SPAG9: variants seen among roughly 807,000 people sequenced by gnomAD.
SPAG9 encodes the protein sperm associated antigen 9.
Under a neutral mutation model 166.5 loss-of-function variants are expected in SPAG9, and 35 were observed. The ratio of observed to expected loss-of-function variants is 0.21; its 90% CI spans 0.16 to 0.28. The LOEUF is 0.28. Ranked by LOEUF, SPAG9 falls within the 10% of genes least tolerant of loss-of-function variation. The pLI is 1.00. For missense variants in SPAG9, 1,235 were observed against 1,603.3 expected (o/e 0.77, Z 3.92); for synonymous variants, 534 against 565.5 (o/e 0.94, Z 0.79).
rs557092109 is a variant in SPAG9 at position 51,075,039 on chromosome 17, T to C, written c.424+4545A>G. The stretch of plus-strand genomic sequence containing the variant: ...TAGTGAAACCCCATCTCTACAAATA[T>C]ACAAAAATTAGCCAGGCATAATGAC... On this transcript the variant is annotated intron_variant, in intron 2 of 29. Coordinates refer to ENST00000262013, the MANE Select transcript of SPAG9 (RefSeq NM_001130528.3). Among the ~76,000 whole-genome samples, 21 of 150,484 alleles carry C rather than the reference T, an allele frequency of 1.4e-4. No individual in the cohort carries two copies. The South Asian group carries it at 2.1e-3, about 15-fold the overall frequency.
intron 9 of SPAG9, among the ~76,000 whole-genome samples, chr17:51,013,912 AC>A (rs2045592777): frequency 2.1e-5 from 3 of 143,908 alleles, no homozygotes; most frequent in Admixed American, 1.3e-4. Context: ...ACACACACAC[AC>A]ACACATACAC....
At chr17:51,095,731 TATATACATATAGTGATATATATATAGTG>T (rs2048596596) in intron 1 of SPAG9, among the ~76,000 whole-genome samples, 1 of 147,874 alleles carries the variant, frequency 6.8e-6, no homozygotes, top group African/African-American at 2.5e-5. Flanking sequence ...CATATAGTGA[TATATACATATAGTGATATATATATAGTG>T]ATATACATAT....
chr17:51,034,963 C>G (rs1270365596), intron 5 of SPAG9, among the ~76,000 whole-genome samples: 1 of 152,162 alleles, frequency 6.6e-6, no homozygotes, highest in African/African-American at 2.4e-5. Flanking sequence ...AAAGACAAGA[C>G]AAGACTGAGG....
intron 1 of SPAG9, among the ~76,000 whole-genome samples, chr17:51,098,737 C>T (rs958782481): frequency 3.3e-5 from 5 of 151,886 alleles, no homozygotes. Context: ...GGTGATCCGC[C>T]CCCCTCGGCC....
chr17:51,073,188 C>T (rs545997111), intron 2 of SPAG9, among the ~76,000 whole-genome samples: 2 of 151,928 alleles, frequency 1.3e-5, no homozygotes, highest in African/African-American at 4.8e-5. Context: ...ATTTTCCGGG[C>T]GTGGTGGTGG....
rs187602406 is a variant in SPAG9, at chr17:50,986,234, G to T, written c.2940-456C>A. Reference sequence around the variant, plus strand: ...TTTTTACATTTTTAAAAGTGTGTGTGGGGGGGAAATCAAGGGTATTTTACG... The same window carrying T: ...TTTTTACATTTTTAAAAGTGTGTGTTGGGGGGAAATCAAGGGTATTTTACG... On this transcript the variant is annotated intron_variant, in intron 22 of 29. Coordinates refer to ENST00000262013, the MANE Select transcript of SPAG9 (RefSeq NM_001130528.3). Among the ~76,000 whole-genome samples, 444 of 152,208 alleles carry T rather than the reference G, an allele frequency of 2.9e-3. 1 individual carries two copies. The highest frequency in any genetic ancestry group is 7.7e-3 in the South Asian group (37 of 4,818).
At chr17:51,038,314 C>T (rs763708706) in intron 5 of SPAG9, among the ~76,000 whole-genome samples, 63 of 152,002 alleles carry the variant, frequency 4.1e-4, no homozygotes, top group Non-Finnish European at 4.7e-4. Context: ...GAAGGGCTGA[C>T]GAGTACCCCA....
At chr17:50,972,872 GT>G (rs1973931871) in intron 28 of SPAG9, among the ~76,000 whole-genome samples, 1 of 152,210 alleles carries the variant, frequency 6.6e-6, no homozygotes, top group African/African-American at 2.4e-5. Flanking sequence ...AACCAGAATG[GT>G]TTAATCTTTA....
In SPAG9 at chr17:51,066,561, A is replaced by G. The variant is rs865826533; in HGVS notation, c.425-10079T>C. On this transcript the variant is annotated intron_variant, in intron 2 of 29. Transcript: ENST00000262013. ...CAGAGTGAGACTCTGTCTCAAAAAA[A>G]AAAAAGAAAAAAAAAAAAAAGACCA... Among the ~76,000 whole-genome samples, 37 of 126,610 alleles carry G rather than the reference A, an allele frequency of 2.9e-4. 1 individual carries two copies. The East Asian group carries it at 7.4e-3, about 25-fold the overall frequency. The allele number at this position is 126,610 out of a possible 152,430, so 83.1% of individuals were successfully genotyped here.
intron 19 of SPAG9, among the ~76,000 whole-genome samples, chr17:50,992,090 A>G (rs1033874373): frequency 1.5e-4 from 23 of 151,244 alleles, no homozygotes; most frequent in African/African-American, 2.9e-4. Context: ...GTCTCACTAT[A>G]TTGCCCAGAC....
chr17:51,104,635 T>C (rs1369681123), intron 1 of SPAG9, among the ~76,000 whole-genome samples: 1 of 150,176 alleles, frequency 6.7e-6, no homozygotes, highest in Non-Finnish European at 1.5e-5. Context: ...AAACGCCATC[T>C]CAAAAATAAA....
At position 51,076,993 on chromosome 17, in the gene SPAG9, TCTAGCTATCTAG is replaced by T. The variant is rs1264161945; in HGVS notation, c.424+2579_424+2590del. The stretch of plus-strand genomic sequence containing the variant: ...TCTATCTATCTATCTTATCTAGCTA[TCTAGCTATCTAG>T]CTAGCTAGCTAGCTATCTAGCTATC... On this transcript the variant is annotated intron_variant, in intron 2 of 29. Transcript: ENST00000262013. 1.5e-3 allele frequency among the ~76,000 whole-genome samples: 128 copies of T among 85,864 alleles called. 3 individuals are homozygous for T. Among genetic ancestry groups the T allele is most frequent in the African/African-American group, 5.5e-3 (120 of 21,734 alleles). 56.3% of individuals were successfully genotyped at this position (85,864 alleles called of 152,430 possible). A position where few individuals can be genotyped will look rare whatever the true frequency, so the allele number is the denominator to read the frequency against.
chr17:51,066,567 G>GAAAAAAAAAAAAAAAAAAAA (rs71149340), intron 2 of SPAG9, among the ~76,000 whole-genome samples: 2 of 110,834 alleles, frequency 1.8e-5, no homozygotes, highest in African/African-American at 3.6e-5. Context: ...AAAAAAAAAA[G>GAAAAAAAAAAAAAAAAAAAA]AAAAAAAAAA....
chr17:51,041,297 C>CT (rs966474416), intron 5 of SPAG9, among the ~76,000 whole-genome samples: 3 of 152,078 alleles, frequency 2.0e-5, no homozygotes, highest in Non-Finnish European at 4.4e-5. Flanking sequence ...TAATGCTTCA[C>CT]TTTTTTTCCT....
intron 4 of SPAG9, among the ~76,000 whole-genome samples, chr17:51,046,301 T>C (rs1324164432): frequency 1.3e-5 from 2 of 152,238 alleles, no homozygotes; most frequent in Admixed American, 6.5e-5. Flanking sequence ...TCCTTTTCTT[T>C]AGTTAGTGGT....
chr17:51,005,617 G>A (rs1365066934), intron 11 of SPAG9, among the ~76,000 whole-genome samples: 3 of 152,222 alleles, frequency 2.0e-5, no homozygotes, highest in Non-Finnish European at 4.4e-5. Flanking sequence ...TTGGGAGGCC[G>A]AGGCAGGTGG....
intron 16 of SPAG9, 52 bp downstream of exon 16, chr17:50,996,513 C>A: frequency 6.2e-7 from 1 of 1,609,686 alleles, no homozygotes; most frequent in South Asian, 1.1e-5. Flanking sequence ...CACGCACACT[C>A]AACTTGCCCT....
In SPAG9 at chr17:50,995,514, T is replaced by C. The variant is rs1006436695; in HGVS notation, c.1988A>G (p.Glu663Gly). The change falls in exon 17 of 30, where the codon GAA (glutamate) becomes GGA (glycine). Residue 663 changes from glutamate to glycine, a missense_variant. Coordinates refer to ENST00000262013, the MANE Select transcript of SPAG9 (RefSeq NM_001130528.3). The stretch of plus-strand genomic sequence containing the variant: ...CACAGGTAAATTTTTCATCTTATTT[T>C]CACCTTGACCATTGGTTACCTAATA... ...KYKQVTNGQG[E>G]NKMKNLPVPV... 6.2e-7 allele frequency: 1 copy of C among 1,610,134 alleles called. No homozygotes were observed. Among genetic ancestry groups the C allele is most frequent in the Non-Finnish European group, 8.5e-7 (1 of 1,176,466 alleles).
intron 2 of SPAG9, among the ~76,000 whole-genome samples, chr17:51,058,397 AC>A (rs1425376980): frequency 1.3e-5 from 2 of 152,240 alleles, no homozygotes; most frequent in Non-Finnish European, 2.9e-5. Flanking sequence ...AGATGAGGAA[AC>A]TGAAGCAAAT....
Sources: gnomAD v4.1 joint callset for allele counts (sites outside exome capture counted in the v4.1 genomes callset) on GRCh38, gnomAD v4.1.1 for gene constraint, MANE v1.5 for transcripts, NCBI Gene and HGNC (gene_info 2026-07-23, HGNC 2026-07-21) for gene names.